SDK1: variants seen among roughly 807,000 people sequenced by gnomAD.
The protein encoded by SDK1 is sidekick cell adhesion molecule 1.
SDK1 carries 157 observed loss-of-function variants against 245.5 expected under a neutral mutation model. The observed-to-expected ratio is 0.64, with a 90% CI of 0.56 to 0.73. The LOEUF (loss-of-function observed/expected upper bound fraction) is 0.73, where lower values mean the gene tolerates loss of function less well. Among genes scored for constraint, SDK1 ranks in the 30% least tolerant of loss-of-function variants. SDK1 has a pLI of 0.00. For synonymous variants in SDK1, 1,647 were observed against 1,278.5 expected (o/e 1.29, Z -6.15); for missense variants, 3,583 against 3,002.3 (o/e 1.19, Z -4.52).
At chr7:4,109,111 T>G (rs1046417651) in intron 22 of SDK1, among the ~76,000 whole-genome samples, 1 of 152,222 alleles carries the variant, frequency 6.6e-6, no homozygotes, top group Non-Finnish European at 1.5e-5. Context: ...CTGTCGTGAC[T>G]AGTGCACTAG....
intron 5 of SDK1, among the ~76,000 whole-genome samples, chr7:3,831,562 A>T (rs954213131): frequency 1.3e-5 from 2 of 152,162 alleles, no homozygotes; most frequent in African/African-American, 4.8e-5. Flanking sequence ...AGTGGTACCA[A>T]CCTCTTCAAT....
chr7:4,060,186 T>C (rs1340098395), intron 19 of SDK1, among the ~76,000 whole-genome samples: 1 of 152,106 alleles, frequency 6.6e-6, no homozygotes, highest in Non-Finnish European at 1.5e-5. Context: ...CGGCCAGAAA[T>C]TTCTTGAAAC....
intron 1 of SDK1, among the ~76,000 whole-genome samples, chr7:3,435,394 G>C (rs985801505): frequency 2.4e-5 from 3 of 122,756 alleles, no homozygotes; most frequent in Admixed American, 2.2e-4. Context: ...GCAGTGACTT[G>C]ATCTCAGCTC....
intron 4 of SDK1, among the ~76,000 whole-genome samples, chr7:3,818,135 G>T (rs1221821014): frequency 6.6e-6 from 1 of 152,148 alleles, no homozygotes; most frequent in African/African-American, 2.4e-5. Context: ...AAATGATGAG[G>T]TTTCATTTTT....
intron 1 of SDK1, among the ~76,000 whole-genome samples, chr7:3,584,817 G>C (rs1414013548): frequency 6.6e-6 from 1 of 151,464 alleles, no homozygotes; most frequent in Non-Finnish European, 1.5e-5. Context: ...TCCGCCTCCC[G>C]GGTTCACGCC....
At chr7:3,639,684 A>AG (rs1372608601) in intron 3 of SDK1, among the ~76,000 whole-genome samples, 1 of 152,194 alleles carries the variant, frequency 6.6e-6, no homozygotes, top group Non-Finnish European at 1.5e-5. Flanking sequence ...TGTAGTCTTG[A>AG]GGAGAAACAG....
At chr7:3,335,660 C>T (rs75636295) in intron 1 of SDK1, among the ~76,000 whole-genome samples, 3,336 of 152,172 alleles carry the variant, frequency 0.022, 132 homozygotes, top group African/African-American at 0.075. Context: ...TGGGACTGAT[C>T]ACTACTGCCA....
rs147729340 is a variant in SDK1 at position 3,791,722 on chromosome 7, A to G, written c.714-29728A>G. Among the ~76,000 whole-genome samples the G allele has an allele frequency of 5.9e-3, 898 of 152,212 alleles. 16 individuals carry two copies. Among genetic ancestry groups the G allele is most frequent in the South Asian group, 5.4e-3 (26 of 4,820 alleles). ...AAAGGAGAATCAGTTTGTGAAATTG[A>G]CCTTAATCAAGGGTGATCTGTTCGG... On this transcript the variant is annotated intron_variant, in intron 4 of 44. Transcript: ENST00000404826.
At chr7:3,671,936 A>G (rs1783713215) in intron 4 of SDK1, among the ~76,000 whole-genome samples, 1 of 152,148 alleles carries the variant, frequency 6.6e-6, no homozygotes, top group African/African-American at 2.4e-5. Flanking sequence ...AATCAGCTGA[A>G]CTTGACTTAT....
intron 11 of SDK1, 112 bp from the exon 12 acceptor site, chr7:3,971,354 T>A: frequency 1.4e-6 from 1 of 721,870 alleles, no homozygotes; most frequent in Non-Finnish European, 2.5e-6. Context: ...TCTGCCAAGA[T>A]GAGAGAAAAC....
chr7:3,560,388 T>G (rs942253257), intron 1 of SDK1, among the ~76,000 whole-genome samples: 5 of 152,136 alleles, frequency 3.3e-5, no homozygotes, highest in Admixed American at 1.3e-4. Flanking sequence ...TCCAGTTGAT[T>G]GAGAAAAAAA....
chr7:3,854,183 G>T (rs887575050), intron 5 of SDK1, among the ~76,000 whole-genome samples: 3 of 151,994 alleles, frequency 2.0e-5, no homozygotes, highest in Non-Finnish European at 4.4e-5. Context: ...GGAGCCAAAG[G>T]TTATGTACGG....
At chr7:3,694,192 G>C (rs1337803389) in intron 4 of SDK1, among the ~76,000 whole-genome samples, 2 of 152,188 alleles carry the variant, frequency 1.3e-5, no homozygotes, top group Non-Finnish European at 2.9e-5. Flanking sequence ...AACTCGTATA[G>C]GAATACTAAG....
intron 30 of SDK1, among the ~76,000 whole-genome samples, chr7:4,156,895 C>T (rs1051869827): frequency 1.3e-5 from 2 of 151,982 alleles, no homozygotes; most frequent in Admixed American, 6.6e-5. Context: ...ATGAGGGCTT[C>T]GGTTTAGAGT....
rs370013252 is a variant in SDK1, at chr7:4,254,069, C to T, written c.6381+8264C>T. ...ATTTTCATAACTTATGGGAACTTTA[C>T]TCCTATAGCTGTATTTCTTCCTTTT... On this transcript the variant is annotated intron_variant, in intron 44 of 44. Transcript: ENST00000404826. Among the ~76,000 whole-genome samples, 6 of 152,250 alleles carry T rather than the reference C, an allele frequency of 3.9e-5. No homozygotes were observed. The South Asian group carries it at 1.0e-3, about 26-fold the overall frequency.
At chr7:3,424,946 G>A (rs1165681034) in intron 1 of SDK1, among the ~76,000 whole-genome samples, 5 of 152,038 alleles carry the variant, frequency 3.3e-5, no homozygotes, top group Non-Finnish European at 7.4e-5. Context: ...AAAATAAGAA[G>A]AGCAGCACAA....
At chr7:3,775,311 G>A (rs967873594) in intron 4 of SDK1, among the ~76,000 whole-genome samples, 12 of 152,174 alleles carry the variant, frequency 7.9e-5, no homozygotes, top group African/African-American at 2.4e-4. Context: ...TAAGTCAAAA[G>A]CAATGGAATA....
chr7:3,590,999 T>C (rs981849613), intron 1 of SDK1, among the ~76,000 whole-genome samples: 2 of 152,072 alleles, frequency 1.3e-5, no homozygotes, highest in Admixed American at 1.3e-4. Context: ...CCCAGGCTGG[T>C]AGAGCATTTT....
intron 5 of SDK1, among the ~76,000 whole-genome samples, chr7:3,914,610 C>T (rs1300005784): frequency 6.6e-6 from 1 of 152,184 alleles, no homozygotes; most frequent in Admixed American, 6.5e-5. Context: ...CTTGCTCTTG[C>T]ATGTGCTCAG....
Sources: allele counts gnomAD v4.1 joint callset (sites outside exome capture counted in the v4.1 genomes callset), GRCh38; gene constraint gnomAD v4.1.1; transcripts MANE v1.5; gene names NCBI Gene and HGNC (gene_info 2026-07-23, HGNC 2026-07-21).